Variants in XKR9 observed in about 807,000 individuals in gnomAD.
XKR9 encodes the protein XK related 9.
XKR9 carries 32 observed loss-of-function variants against 32.0 expected under a neutral mutation model. The ratio of observed to expected loss-of-function variants is 1.00; its 90% CI spans 0.76 to 1.34. The LOEUF is 1.34. Among genes scored for constraint, XKR9 ranks in the 40% most tolerant of loss-of-function variants. The probability of loss-of-function intolerance (pLI) is 0.00; values close to 1 mark genes in which losing one functional copy is unlikely to be tolerated. For synonymous variants in XKR9, 168 were observed against 143.4 expected (o/e 1.17, Z -1.22); for missense variants, 546 against 429.7 (o/e 1.27, Z -2.39).
the XKR9 span, among the ~76,000 whole-genome samples, chr8:71,024,079 C>T: frequency 1.1e-4 from 16 of 152,260 alleles, no homozygotes; most frequent in Admixed American, 5.9e-4. Context: ...CCTCAGGTGG[C>T]GTACATGGGA....
At chr8:70,853,029 G>A in the XKR9 span, among the ~76,000 whole-genome samples, 1 of 151,912 alleles carries the variant, frequency 6.6e-6, no homozygotes, top group Non-Finnish European at 1.5e-5. Flanking sequence ...AAAATAAAAT[G>A]TGGTACATAT....
At chr8:70,866,537 T>C in the XKR9 span, among the ~76,000 whole-genome samples, 1 of 152,178 alleles carries the variant, frequency 6.6e-6, no homozygotes, top group African/African-American at 2.4e-5. Context: ...GCACAGTCTA[T>C]TAGAAAGATT....
the XKR9 span, among the ~76,000 whole-genome samples, chr8:70,855,263 C>A: frequency 2.0e-5 from 3 of 152,064 alleles, no homozygotes; most frequent in African/African-American, 7.2e-5. Flanking sequence ...CTAGAATAAC[C>A]AATGCAGAAA....
chr8:71,034,275 C>A, the XKR9 span, among the ~76,000 whole-genome samples: 1 of 152,096 alleles, frequency 6.6e-6, no homozygotes, highest in Non-Finnish European at 1.5e-5. Context: ...CTCATGAGAT[C>A]CGATGGTTTT....
chr8:70,844,270 G>C, the XKR9 span, among the ~76,000 whole-genome samples: 1 of 152,192 alleles, frequency 6.6e-6, no homozygotes, highest in Admixed American at 6.5e-5. Flanking sequence ...TGGCCCTCTA[G>C]CATCAGGGTT....
At chr8:70,885,410 A>T in the XKR9 span, among the ~76,000 whole-genome samples, 3 of 152,194 alleles carry the variant, frequency 2.0e-5, no homozygotes, top group Non-Finnish European at 4.4e-5. Context: ...ACATTTTTTT[A>T]AAATTTTACT....
intron 3 of XKR9, 144 bp from the exon 4 acceptor site, chr8:70,706,789 T>A (rs1182462606): frequency 1.5e-6 from 1 of 658,662 alleles, no homozygotes; most frequent in African/African-American, 1.8e-5. Flanking sequence ...TATGAGATGT[T>A]CACAAAAAAT....
At chr8:70,862,888 G>T in the XKR9 span, among the ~76,000 whole-genome samples, 3 of 152,044 alleles carry the variant, frequency 2.0e-5, no homozygotes, top group Non-Finnish European at 2.9e-5. Context: ...GCCAAGGAAG[G>T]CTTCCTAGGA....
At chr8:70,841,225 G>A in the XKR9 span, among the ~76,000 whole-genome samples, 1 of 151,886 alleles carries the variant, frequency 6.6e-6, no homozygotes, top group Non-Finnish European at 1.5e-5. Context: ...GGAAGAACTG[G>A]TAGATTTCTT....
At chr8:70,776,923 T>TTCTCTCTCTCTCTCTCTCTCTCTCTC (rs369388439) in intron 2 of XKR9, among the ~76,000 whole-genome samples, 1 of 59,622 alleles carries the variant, frequency 1.7e-5, no homozygotes, top group Non-Finnish European at 3.2e-5. Flanking sequence ...TTCTCTTTCT[T>TTCTCTCTCTCTCTCTCTCTCTCTCTC]TCTCTCTCTC....
chr8:70,899,432 T>G, the XKR9 span, among the ~76,000 whole-genome samples: 1 of 141,212 alleles, frequency 7.1e-6, no homozygotes, highest in Admixed American at 7.0e-5. Flanking sequence ...GGAAGACAGT[T>G]TTTTTTTTTT....
At chr8:70,800,037 C>G in the XKR9 span, among the ~76,000 whole-genome samples, 8 of 152,248 alleles carry the variant, frequency 5.3e-5, no homozygotes, top group Non-Finnish European at 8.8e-5. Flanking sequence ...TATGTTCCCT[C>G]AATACCTAAT....
chr8:70,839,105 G>A, the XKR9 span, among the ~76,000 whole-genome samples: 1 of 152,068 alleles, frequency 6.6e-6, no homozygotes, highest in African/African-American at 2.4e-5. Context: ...TATTCTTAAA[G>A]AGAATGAAGA....
At chr8:70,879,163 A>G in the XKR9 span, among the ~76,000 whole-genome samples, 2 of 152,238 alleles carry the variant, frequency 1.3e-5, no homozygotes, top group Non-Finnish European at 2.9e-5. Context: ...AGCAGTGGGT[A>G]GAGGCAAATT....
chr8:70,944,108 G>C, the XKR9 span, among the ~76,000 whole-genome samples: 2 of 151,700 alleles, frequency 1.3e-5, no homozygotes, highest in Non-Finnish European at 2.9e-5. Context: ...TTAAACTTGT[G>C]CTTCTCAGAG....
the XKR9 span, among the ~76,000 whole-genome samples, chr8:70,846,583 T>C: frequency 1.3e-5 from 2 of 151,898 alleles, no homozygotes. Context: ...AAGATATAGA[T>C]TGGCTGAATG....
chr8:71,057,797 G>T, the XKR9 span, among the ~76,000 whole-genome samples: 1 of 118,878 alleles, frequency 8.4e-6, no homozygotes, highest in Non-Finnish European at 2.1e-5. Flanking sequence ...ATATAATTTA[G>T]ATTCCCACAT....
At chr8:70,757,584 T>TATGTATGC (rs1411564175) in intron 2 of XKR9, among the ~76,000 whole-genome samples, 1 of 150,646 alleles carries the variant, frequency 6.6e-6, no homozygotes, top group African/African-American at 2.4e-5. Context: ...TGTATGTATG[T>TATGTATGC]ATGCATGTAT....
chr8:71,029,456 G>T, the XKR9 span, among the ~76,000 whole-genome samples: 5 of 152,120 alleles, frequency 3.3e-5, no homozygotes, highest in African/African-American at 1.2e-4. Context: ...CTGTGCCACA[G>T]AATCTCTCTG....
Sources: allele counts gnomAD v4.1 joint callset (sites outside exome capture counted in the v4.1 genomes callset), GRCh38; gene constraint gnomAD v4.1.1; transcripts MANE v1.5; gene names NCBI Gene and HGNC (gene_info 2026-07-23, HGNC 2026-07-21).